Variants in RPTOR observed in about 807,000 individuals in gnomAD.
RPTOR encodes regulatory associated protein of MTOR complex 1.
A neutral mutation model predicts 169.9 loss-of-function variants in RPTOR; 21 were observed. The observed-to-expected ratio is 0.12, with a 90% confidence interval of 0.09 to 0.18. The LOEUF (loss-of-function observed/expected upper bound fraction) is 0.18. Ranked by LOEUF, RPTOR falls within the 10% of genes least tolerant of loss-of-function variation. RPTOR has a pLI of 1.00. For missense variants in RPTOR, 1,133 were observed against 1,855.9 expected, an observed-to-expected ratio of 0.61 and a Z score of 7.16; for synonymous variants, 732 against 753.2, an observed-to-expected ratio of 0.97 and a Z score of 0.46.
chr17:80,771,756 G>A lies in RPTOR; in HGVS notation c.830+17571G>A, dbSNP rs567844011. Among the ~76,000 whole-genome samples, 83 of 152,236 alleles carry A rather than the reference G, an allele frequency of 5.5e-4. 1 individual carries two copies. The highest frequency in any genetic ancestry group is 1.9e-3 in the South Asian group (9 of 4,822). On this transcript the variant is annotated intron_variant, in intron 6 of 33. Transcript: ENST00000306801. ...CATCTCCCAGGATTTCTGAACCCTC[G>A]TGTCCCTCAGCCAGCCACCGCCATG... is the stretch of plus-strand genomic sequence containing the variant.
chr17:80,578,300 T>C (rs1190229147), intron 1 of RPTOR, among the ~76,000 whole-genome samples: 1 of 152,062 alleles, frequency 6.6e-6, no homozygotes, highest in African/African-American at 2.4e-5. Context: ...GGGAGGAAAT[T>C]GAAGGCTTGA....
chr17:80,837,743 C>G (rs1008633185), intron 9 of RPTOR, among the ~76,000 whole-genome samples, 179 bp from the exon 10 acceptor site: 4 of 152,254 alleles, frequency 2.6e-5, no homozygotes, highest in African/African-American at 9.6e-5. Flanking sequence ...CCTCGGACGT[C>G]TTCTGCAGCC....
chr17:80,925,533 C>T, intron 24 of RPTOR, 53 bp downstream of exon 24: 1 of 1,407,512 alleles, frequency 7.1e-7, no homozygotes, highest in Admixed American at 1.7e-5. Flanking sequence ...ATGTGTCTGT[C>T]CCACTTCTTT....
At chr17:80,561,288 T>TATATATATA (rs2084490493) in intron 1 of RPTOR, among the ~76,000 whole-genome samples, 1 of 147,136 alleles carries the variant, frequency 6.8e-6, no homozygotes, top group African/African-American at 2.5e-5. Flanking sequence ...TATATATATA[T>TATATATATA]TTAGTAGAGA....
intron 20 of RPTOR, among the ~76,000 whole-genome samples, chr17:80,899,920 A>G (rs1371380672): frequency 6.6e-6 from 1 of 151,954 alleles, no homozygotes; most frequent in African/African-American, 2.4e-5. Context: ...CTCCAAGGAT[A>G]CTCCTGTGAG....
At chr17:80,913,317 T>C (rs1313457235) in intron 21 of RPTOR, among the ~76,000 whole-genome samples, 1 of 152,168 alleles carries the variant, frequency 6.6e-6, no homozygotes, top group Non-Finnish European at 1.5e-5. Context: ...CAGCTCTGTA[T>C]GAGAGAACCC....
intron 4 of RPTOR, among the ~76,000 whole-genome samples, chr17:80,711,802 G>A (rs1415114096): frequency 2.3e-5 from 3 of 131,292 alleles, no homozygotes; most frequent in South Asian, 2.4e-4. Flanking sequence ...GAGTAACAGT[G>A]GCGTGATCTT....
rs151275354 is a variant in RPTOR at position 80,878,000 on chromosome 17, C to G, written c.1510-2415C>G. 3.6e-4 allele frequency among the ~76,000 whole-genome samples: 55 copies of G among 152,320 alleles called. 1 individual carries two copies. In the East Asian group the frequency reaches 9.5e-3, roughly 26 times the overall value. On this transcript the variant is annotated intron_variant, in intron 13 of 33. Coordinates refer to ENST00000306801, the MANE Select transcript of RPTOR (RefSeq NM_020761.3). ...TTCTGGGCTGCATAACCAGCAGATT[C>G]CCTCTGCAAAACTGCTCCTGCCTCA...
intron 3 of RPTOR, among the ~76,000 whole-genome samples, chr17:80,688,786 C>T (rs114997154): frequency 6.6e-6 from 1 of 152,366 alleles, no homozygotes; most frequent in African/African-American, 2.4e-5. Context: ...ATCTCTAGGG[C>T]AGTGGCAGGA....
intron 1 of RPTOR, among the ~76,000 whole-genome samples, chr17:80,579,675 C>G (rs1239399940): frequency 6.6e-6 from 1 of 152,194 alleles, no homozygotes; most frequent in Non-Finnish European, 1.5e-5. Context: ...AAGGACTATT[C>G]TTTTAAACTA....
intron 3 of RPTOR, among the ~76,000 whole-genome samples, chr17:80,700,467 T>C (rs1264735881): frequency 7.0e-6 from 1 of 143,692 alleles, no homozygotes; most frequent in Non-Finnish European, 1.5e-5. Flanking sequence ...GTGGTGGTGG[T>C]GGTGGTGGTG....
intron 25 of RPTOR, among the ~76,000 whole-genome samples, chr17:80,942,533 G>GGTGCCAGCAGGCGTA (rs989941512): frequency 6.6e-6 from 1 of 152,120 alleles, no homozygotes; most frequent in African/African-American, 2.4e-5. Flanking sequence ...CAGCAGGCGT[G>GGTGCCAGCAGGCGTA]GTGCCAGCAG....
intron 24 of RPTOR, among the ~76,000 whole-genome samples, chr17:80,937,194 T>C (rs764977479): frequency 3.3e-5 from 5 of 152,150 alleles, no homozygotes; most frequent in African/African-American, 1.2e-4. Flanking sequence ...GAGCGTTTAA[T>C]GTGTTAGCGA....
chr17:80,856,845 C>A (rs1389342560), intron 12 of RPTOR, among the ~76,000 whole-genome samples: 1 of 152,120 alleles, frequency 6.6e-6, no homozygotes, highest in African/African-American at 2.4e-5. Flanking sequence ...TGGAAATTTG[C>A]CTAATACATG....
chr17:80,894,105 TGG>T (rs201463858), intron 20 of RPTOR, among the ~76,000 whole-genome samples: 4,365 of 152,308 alleles, frequency 0.029, 134 homozygotes, highest in African/African-American at 0.073. Flanking sequence ...CCATCGGAGC[TGG>T]CCAGTTTGGC....
rs774135731 is a variant in RPTOR at position 80,622,884 on chromosome 17, CAG to C, written c.163-2804_163-2803del. On this transcript the variant is annotated intron_variant, in intron 1 of 33. Transcript: ENST00000306801. The stretch of plus-strand genomic sequence containing the variant: ...TGTCGCTGCACTCCGGCATGGGTGA[CAG>C]AGTGAGACCCCACCTCAAAAATGAA... 4.6e-5 allele frequency among the ~76,000 whole-genome samples: 7 copies of C among 152,218 alleles called. No individual in the cohort carries two copies. In the South Asian group the frequency reaches 8.3e-4, roughly 18 times the overall value.
chr17:80,895,775 C>G (rs1268996336), intron 20 of RPTOR, among the ~76,000 whole-genome samples: 1 of 152,220 alleles, frequency 6.6e-6, no homozygotes, highest in Non-Finnish European at 1.5e-5. Context: ...TCTTGGCCAG[C>G]CTTTGTCTGT....
At chr17:80,547,524 G>A (rs117067514) in intron 1 of RPTOR, among the ~76,000 whole-genome samples, 204 of 152,290 alleles carry the variant, frequency 1.3e-3, no homozygotes, top group South Asian at 8.9e-3. Flanking sequence ...GTGACTCTTA[G>A]TGACTACTGA....
intron 25 of RPTOR, chr17:80,941,320 G>GA (rs1447063012): frequency 6.6e-6 from 1 of 152,628 alleles, no homozygotes; most frequent in Non-Finnish European, 1.5e-5. Flanking sequence ...GCTCCTTGCG[G>GA]AAGGGATCCA....
Sources: allele counts gnomAD v4.1 joint callset (sites outside exome capture counted in the v4.1 genomes callset), GRCh38; gene constraint gnomAD v4.1.1; transcripts MANE v1.5; gene names NCBI Gene and HGNC (gene_info 2026-07-23, HGNC 2026-07-21).